Variants in SOX5 observed in about 807,000 individuals in gnomAD.
The protein encoded by SOX5 is SRY-box transcription factor 5.
Under a neutral mutation model 92.0 loss-of-function variants are expected in SOX5, and 9 were observed. The ratio of observed to expected loss-of-function variants is 0.10; its 90% confidence interval spans 0.06 to 0.17. The LOEUF is 0.17. Ranked by LOEUF, SOX5 falls within the 10% of genes least tolerant of loss-of-function variation. The pLI, the probability that SOX5 is intolerant of heterozygous loss-of-function variation, is 1.00. For synonymous variants in SOX5, 344 were observed against 336.3 expected (o/e 1.02, Z -0.25); for missense variants, 642 against 944.5 (o/e 0.68, Z 4.20).
intron 2 of SOX5, among the ~76,000 whole-genome samples, chr12:24,336,919 C>T (rs1401189280): frequency 6.6e-6 from 1 of 152,168 alleles, no homozygotes; most frequent in Non-Finnish European, 1.5e-5. Flanking sequence ...ATTTTCTGAG[C>T]AAATGAGCTT....
intron 13 of SOX5, among the ~76,000 whole-genome samples, chr12:23,539,648 G>T (rs536159065): frequency 9.3e-5 from 14 of 151,124 alleles, no homozygotes; most frequent in Non-Finnish European, 1.6e-4. Context: ...TGTATGTAAA[G>T]AAATGGGATA....
In SOX5 at chr12:24,326,104, G is replaced by A. The variant is rs1237386882; in HGVS notation, c.-174+42459C>T. The stretch of plus-strand genomic sequence containing the variant: ...ACCTTAAAACTCATGTGGCAAGCTG[G>A]TGAGAACAAAATAACTTCTGTACAG... On this transcript the variant is annotated intron_variant, in intron 2 of 4. Coordinates refer to the SOX5 transcript ENST00000446891. Among the ~76,000 whole-genome samples the A allele has an allele frequency of 2.0e-5, 3 of 152,136 alleles. No individual in the cohort carries two copies. In the East Asian group the frequency reaches 5.8e-4, roughly 29 times the overall value.
chr12:23,553,026 C>A (rs1944501682), intron 11 of SOX5, among the ~76,000 whole-genome samples: 1 of 151,976 alleles, frequency 6.6e-6, no homozygotes, highest in Non-Finnish European at 1.5e-5. Flanking sequence ...TTCCACTCCA[C>A]TGAAGTCTCT....
intron 4 of SOX5, among the ~76,000 whole-genome samples, chr12:24,098,940 T>A (rs1313461127): frequency 3.3e-5 from 5 of 152,172 alleles, no homozygotes. Context: ...ACGTAGTGTA[T>A]GTCTAGCAAA....
chr12:24,250,700 T>A (rs947082478), intron 3 of SOX5, among the ~76,000 whole-genome samples: 1 of 152,236 alleles, frequency 6.6e-6, no homozygotes, highest in African/African-American at 2.4e-5. Flanking sequence ...TAATTTATGG[T>A]GTCAACTCAA....
At chr12:23,746,123 A>G (rs2093975922) in intron 4 of SOX5, among the ~76,000 whole-genome samples, 1 of 152,192 alleles carries the variant, frequency 6.6e-6, no homozygotes, top group Admixed American at 6.6e-5. Flanking sequence ...GAGATGAAGA[A>G]GTCCATCCCA....
intron 1 of SOX5, among the ~76,000 whole-genome samples, chr12:24,530,742 C>CAA (rs1232680620): frequency 8.3e-5 from 9 of 108,482 alleles, no homozygotes; most frequent in East Asian, 2.6e-4. Context: ...GACTCCATCT[C>CAA]AAAAAAAAAA....
intron 7 of SOX5, among the ~76,000 whole-genome samples, chr12:23,659,487 A>G (rs770491790): frequency 3.3e-5 from 5 of 152,302 alleles, no homozygotes; most frequent in African/African-American, 4.8e-5. Context: ...AAATATTTCA[A>G]TCAGTAACTT....
intron 8 of SOX5, among the ~76,000 whole-genome samples, chr12:23,621,298 G>A (rs968795992): frequency 6.6e-6 from 1 of 151,882 alleles, no homozygotes; most frequent in Admixed American, 6.6e-5. Flanking sequence ...GGGGGAAGAG[G>A]AAATAAGAAA....
chr12:23,949,731 CCT>C (rs141363242), upstream of SOX5: 324,189 of 724,090 alleles, frequency 0.45, 49,895 homozygotes, highest in Non-Finnish European at 0.46. Flanking sequence ...TCCCTCCCTC[CCT>C]CTCTCTCTCT....
At chr12:23,625,754 C>T (rs961404708) in intron 8 of SOX5, among the ~76,000 whole-genome samples, 4 of 152,090 alleles carry the variant, frequency 2.6e-5, no homozygotes, top group East Asian at 1.9e-4. Context: ...GGATTACAGG[C>T]GCCTGCCACC....
intron 3 of SOX5, among the ~76,000 whole-genome samples, chr12:23,833,437 A>G (rs2096363637): frequency 6.6e-6 from 1 of 151,998 alleles, no homozygotes; most frequent in Admixed American, 6.6e-5. Context: ...TACAGCTTTA[A>G]ATTCTAGAAC....
chr12:23,546,497 A>G (rs1591940460), intron 11 of SOX5, 73 bp from the exon 12 acceptor site: 1 of 821,288 alleles, frequency 1.2e-6, no homozygotes, highest in East Asian at 2.4e-5. Flanking sequence ...TTTGGGCCAC[A>G]TATATAATAC....
intron 3 of SOX5, among the ~76,000 whole-genome samples, chr12:23,825,973 T>C (rs1254797639): frequency 1.3e-5 from 2 of 152,292 alleles, no homozygotes; most frequent in East Asian, 3.9e-4. Flanking sequence ...GAAAAGGCTG[T>C]GTCAAAGAAA....
intron 7 of SOX5, among the ~76,000 whole-genome samples, chr12:23,657,922 G>A (rs2082517404): frequency 6.6e-6 from 1 of 152,160 alleles, no homozygotes; most frequent in Non-Finnish European, 1.5e-5. Context: ...AAAAGTAAAT[G>A]ACATGGATTA....
chr12:23,877,285 A>AAT (rs1249528043), intron 2 of SOX5, among the ~76,000 whole-genome samples: 3 of 151,904 alleles, frequency 2.0e-5, no homozygotes, highest in African/African-American at 7.3e-5. Context: ...GAAAAGTTTA[A>AAT]ATATATTTTT....
chr12:23,555,222 T>C (rs1415328264), intron 11 of SOX5, among the ~76,000 whole-genome samples: 2 of 152,148 alleles, frequency 1.3e-5, no homozygotes, highest in Admixed American at 6.6e-5. Context: ...ATTCTATACA[T>C]GGTGTTTTCA....
intron 4 of SOX5, among the ~76,000 whole-genome samples, chr12:24,206,410 T>A (rs990709492): frequency 2.6e-5 from 4 of 152,132 alleles, no homozygotes; most frequent in African/African-American, 9.7e-5. Flanking sequence ...ATATTGGGAG[T>A]TAGTCCAGAC....
At chr12:23,733,060 C>T (rs7964419) in intron 6 of SOX5, among the ~76,000 whole-genome samples, 99,194 of 152,076 alleles carry the variant, frequency 0.65, 33,200 homozygotes, top group Non-Finnish European at 0.74. Context: ...TAAGAAAGCA[C>T]TGAAGGTGTT....
Sources: allele counts gnomAD v4.1 joint callset (sites outside exome capture counted in the v4.1 genomes callset), GRCh38; gene constraint gnomAD v4.1.1; transcripts MANE v1.5; gene names NCBI Gene and HGNC (gene_info 2026-07-23, HGNC 2026-07-21).